SCEL: variants seen among roughly 807,000 people sequenced by gnomAD.
SCEL encodes sciellin.
In SCEL, 113 loss-of-function variants were observed where a neutral mutation model predicts 117.6. The ratio of observed to expected loss-of-function variants is 0.96; its 90% CI spans 0.83 to 1.12. SCEL has a LOEUF of 1.12. SCEL is among the 50% of genes most tolerant of loss of function. The probability of loss-of-function intolerance (pLI) is 0.00; values close to 1 mark genes in which losing one functional copy is unlikely to be tolerated. For synonymous variants in SCEL, 270 were observed against 256.2 expected (o/e 1.05, Z -0.51); for missense variants, 785 against 810.8 (o/e 0.97, Z 0.39).
intron 30 of SCEL, 97 bp from the exon 31 acceptor site, chr13:77,640,579 A>G (rs752951731): frequency 3.8e-5 from 18 of 473,606 alleles, no homozygotes; most frequent in South Asian, 7.0e-5. Flanking sequence ...GTAAAGTATC[A>G]TCAAAATTAA....
Position 77,618,031 on chromosome 13 carries a change from G to C in SCEL, c.1599G>C (p.Val533=), listed in dbSNP as rs764642894. Residue 533 remains valine (V), a synonymous_variant, in exon 27 of 33, where the codon GTG becomes GTC. Transcript: ENST00000349847. ...AAGACTTGGACAATCTTATTAAAGT[G>C]AAACCTTCAGCTCTTAGAAACACTA... ...QSQDLDNLIK[V]KPSALRNTNR... The C allele has an allele frequency of 2.7e-5, 44 of 1,613,108 alleles. No individual in the cohort carries two copies. Among genetic ancestry groups the C allele is most frequent in the Non-Finnish European group, 3.7e-5 (44 of 1,179,290 alleles).
intron 7 of SCEL, among the ~76,000 whole-genome samples, chr13:77,568,617 C>T (rs1208671084): frequency 6.6e-6 from 1 of 151,936 alleles, no homozygotes; most frequent in Non-Finnish European, 1.5e-5. Flanking sequence ...TTATTTTTTC[C>T]CCTACAGGAC....
At chr13:77,628,170 G>GTGTGTATATATATATATATATA (rs10700333) in intron 28 of SCEL, among the ~76,000 whole-genome samples, 161 bp downstream of exon 28, 3 of 139,740 alleles carry the variant, frequency 2.1e-5, no homozygotes, top group African/African-American at 8.0e-5. Context: ...ATATGTGTGT[G>GTGTGTATATATATATATATATA]TATATATATA....
At chr13:77,625,028 A>G (rs1030702797) in intron 27 of SCEL, among the ~76,000 whole-genome samples, 1 of 152,216 alleles carries the variant, frequency 6.6e-6, no homozygotes, top group East Asian at 1.9e-4. Context: ...CAGTTTCCCT[A>G]TAAAACTAGC....
At chr13:77,623,027 GA>G (rs985828781) in intron 27 of SCEL, among the ~76,000 whole-genome samples, 2 of 152,222 alleles carry the variant, frequency 1.3e-5, no homozygotes, top group Non-Finnish European at 2.9e-5. Flanking sequence ...CCACCGCCAT[GA>G]AAGGGGTTTG....
chr13:77,617,269 A>G (rs573497251), intron 24 of SCEL, among the ~76,000 whole-genome samples: 1 of 152,274 alleles, frequency 6.6e-6, no homozygotes, highest in Admixed American at 6.5e-5. Flanking sequence ...ACCTGATTTT[A>G]AAAATAAGGA....
chr13:77,642,641 C>G (rs1049341356), intron 31 of SCEL, 65 bp from the exon 32 acceptor site: 1 of 975,420 alleles, frequency 1.0e-6, no homozygotes, highest in African/African-American at 1.6e-5. Context: ...GAGATGATGT[C>G]TGTTCCTCTA....
rs765129603 is a variant in SCEL at position 77,617,620 on chromosome 13, C to G, written c.1473C>G (p.Leu491=). The G allele has an allele frequency of 1.3e-6, 2 of 1,595,958 alleles. No individual in the cohort carries two copies. The highest frequency in any genetic ancestry group is 1.7e-6 in the Non-Finnish European group (2 of 1,168,726). The stretch of plus-strand genomic sequence containing the variant: ...AAAGAAAACAAGATCTTGATAAACT[C>G]ATCAAGGTGAATCCTGAAATTTTCA... ...NTDGKQDLDK[L]IKVNPEIFTN... The change falls in exon 25 of 33, where the codon CTC becomes CTG. Residue 491 remains leucine (L), a synonymous_variant. Coordinates refer to ENST00000349847, the MANE Select transcript of SCEL (RefSeq NM_144777.3).
intron 13 of SCEL, among the ~76,000 whole-genome samples, chr13:77,598,001 A>G (rs1253755235): frequency 6.7e-6 from 1 of 150,144 alleles, no homozygotes; most frequent in East Asian, 1.9e-4. Context: ...TTACTCTCTT[A>G]CCCAGGCTGG....
chr13:77,614,043 T>C, intron 24 of SCEL, 88 bp downstream of exon 24: 1 of 1,094,800 alleles, frequency 9.1e-7, no homozygotes, highest in Non-Finnish European at 1.4e-6. Context: ...TATGGGCAAA[T>C]TGAATATAAA....
At chr13:77,557,128 T>G (rs1045598702) in intron 3 of SCEL, among the ~76,000 whole-genome samples, 9 of 152,200 alleles carry the variant, frequency 5.9e-5, no homozygotes, top group Non-Finnish European at 1.3e-4. Context: ...TATAAAATTT[T>G]GGTATGTACA....
chr13:77,637,162 A>G lies in SCEL; in HGVS notation c.1806A>G (p.Lys602=), dbSNP rs746322358. The part of the protein sequence containing the change: ...KDGYQENISG[K]YIQTVYSTSD... ...GATATCAGGAGAATATCTCTGGAAA[A>G]TACATACAAACTGTTTATTCAACTT... is the stretch of plus-strand genomic sequence containing the variant. The change falls in exon 30 of 33, where the codon AAA becomes AAG. Residue 602 remains lysine (K), a synonymous_variant. Coordinates refer to ENST00000349847, the MANE Select transcript of SCEL (RefSeq NM_144777.3). 16 of 1,563,174 alleles carry G rather than the reference A, an allele frequency of 1.0e-5. No homozygotes were observed. Among genetic ancestry groups the G allele is most frequent in the Non-Finnish European group, 1.4e-5 (16 of 1,156,878 alleles).
rs774738533 is a variant in SCEL at position 77,602,714 on chromosome 13, G to A, written c.1037+1G>A. 1 of 1,612,602 alleles carries A rather than the reference G, an allele frequency of 6.2e-7. No individual in the cohort carries two copies. The highest frequency in any genetic ancestry group is 8.5e-7 in the Non-Finnish European group (1 of 1,178,792). Reference sequence around the variant, plus strand: ...CCAGGATGAATAAAACGAGCAGAAGGTGAGAACTGAACAGATGTCTCTAAA... The same window carrying A: ...CCAGGATGAATAAAACGAGCAGAAGATGAGAACTGAACAGATGTCTCTAAA... On this transcript the variant is annotated splice_donor_variant, in intron 17 of 32. Coordinates refer to ENST00000349847, the MANE Select transcript of SCEL (RefSeq NM_144777.3). LOFTEE classifies it high-confidence loss of function.
intron 3 of SCEL, among the ~76,000 whole-genome samples, chr13:77,558,669 A>G (rs1017242665): frequency 2.0e-5 from 3 of 151,598 alleles, no homozygotes; most frequent in Non-Finnish European, 4.4e-5. Context: ...TACAAAAATT[A>G]GCCGGGCGTG....
chr13:77,556,182 T>G (rs1240864805), intron 2 of SCEL, among the ~76,000 whole-genome samples: 1 of 152,222 alleles, frequency 6.6e-6, no homozygotes, highest in Non-Finnish European at 1.5e-5. Flanking sequence ...ATAAAAGAAT[T>G]AAGTTACTTA....
At chr13:77,644,213 T>C in intron 32 of SCEL, 45 bp from the exon 33 acceptor site, 4 of 1,609,218 alleles carry the variant, frequency 2.5e-6, no homozygotes, top group Non-Finnish European at 3.4e-6. Flanking sequence ...ATGATGAGCT[T>C]GTTTCTGTAC....
intron 27 of SCEL, among the ~76,000 whole-genome samples, chr13:77,625,447 G>A (rs1379878265): frequency 6.6e-6 from 1 of 152,196 alleles, no homozygotes; most frequent in Non-Finnish European, 1.5e-5. Flanking sequence ...TTATGTAGAA[G>A]AATTCAGTTT....
chr13:77,603,993 C>T (rs1373344236), intron 18 of SCEL, among the ~76,000 whole-genome samples: 1 of 148,004 alleles, frequency 6.8e-6, no homozygotes, highest in African/African-American at 2.5e-5. Context: ...GAAATTTATA[C>T]TGTCTGGGTC....
At chr13:77,601,489 G>A (rs1405054351) in intron 15 of SCEL, among the ~76,000 whole-genome samples, 3 of 152,182 alleles carry the variant, frequency 2.0e-5, no homozygotes. Context: ...GGAATTTAAA[G>A]AGATTAGCTT....
Sources: allele counts gnomAD v4.1 joint callset (sites outside exome capture counted in the v4.1 genomes callset), GRCh38; gene constraint gnomAD v4.1.1; transcripts MANE v1.5; gene names NCBI Gene and HGNC (gene_info 2026-07-23, HGNC 2026-07-21).